FARS2: variants seen among roughly 807,000 people sequenced by gnomAD.
FARS2 encodes the protein phenylalanine--tRNA ligase, mitochondrial.
Under a neutral mutation model 46.4 loss-of-function variants are expected in FARS2, and 40 were observed. The ratio of observed to expected loss-of-function variants is 0.86; its 90% confidence interval spans 0.67 to 1.12. The LOEUF is 1.12. Among genes scored for constraint, FARS2 ranks in the 50% most tolerant of loss-of-function variants. The probability of loss-of-function intolerance (pLI) is 0.00; values close to 1 mark genes in which losing one functional copy is unlikely to be tolerated. For synonymous variants in FARS2, 234 were observed against 214.9 expected (o/e 1.09, Z -0.78); for missense variants, 513 against 567.9 (o/e 0.90, Z 0.98).
rs1769185773 is a variant in FARS2 at position 5,522,200 on chromosome 6, C to T, written c.905-22980C>T. Among the ~76,000 whole-genome samples the T allele has an allele frequency of 2.0e-5, 3 of 152,202 alleles. No homozygotes were observed. The South Asian group carries it at 6.2e-4, about 31-fold the overall frequency. On this transcript the variant is annotated intron_variant, in intron 4 of 6. Coordinates refer to ENST00000274680, the MANE Select transcript of FARS2 (RefSeq NM_006567.5). ...TCATAAGCTCTGGAGCATATGACCACCAAGGCCCTCACAGCAAGGGAAGGG... is the reference window on the plus strand; with the variant it reads ...TCATAAGCTCTGGAGCATATGACCATCAAGGCCCTCACAGCAAGGGAAGGG...
chr6:5,692,918 G>A (rs1219478376), intron 6 of FARS2, among the ~76,000 whole-genome samples: 8 of 152,146 alleles, frequency 5.3e-5, no homozygotes, highest in Non-Finnish European at 1.0e-4. Flanking sequence ...TAATACTCTG[G>A]CTCTTTATCC....
intron 1 of FARS2, among the ~76,000 whole-genome samples, chr6:5,309,901 T>C (rs1768971711): frequency 1.3e-5 from 2 of 152,274 alleles, no homozygotes; most frequent in South Asian, 4.1e-4. Context: ...TGGAAAATAC[T>C]CCAAAAGATA....
intron 5 of FARS2, among the ~76,000 whole-genome samples, chr6:5,549,474 T>C (rs1314732763): frequency 6.6e-6 from 1 of 152,166 alleles, no homozygotes; most frequent in Non-Finnish European, 1.5e-5. Flanking sequence ...TTCCGGCTTT[T>C]AAAGGCCATC....
At chr6:5,481,730 C>T (rs1766469133) in intron 4 of FARS2, among the ~76,000 whole-genome samples, 2 of 151,846 alleles carry the variant, frequency 1.3e-5, no homozygotes, top group Admixed American at 6.6e-5. Context: ...CTTATCCAGC[C>T]TTTCCCTGGG....
chr6:5,591,255 G>A (rs1004441586), intron 5 of FARS2, among the ~76,000 whole-genome samples: 1 of 152,192 alleles, frequency 6.6e-6, no homozygotes, highest in Non-Finnish European at 1.5e-5. Context: ...GTGTCTGAAA[G>A]TCACACTAAG....
chr6:5,586,835 C>G (rs1773637245), intron 5 of FARS2, among the ~76,000 whole-genome samples: 1 of 152,098 alleles, frequency 6.6e-6, no homozygotes, highest in Non-Finnish European at 1.5e-5. Flanking sequence ...ACTGTTGACA[C>G]TTAGGATTGG....
At chr6:5,703,506 A>G (rs1453354080) in intron 6 of FARS2, among the ~76,000 whole-genome samples, 1 of 152,226 alleles carries the variant, frequency 6.6e-6, no homozygotes, top group Admixed American at 6.5e-5. Context: ...GTAACACTTT[A>G]TAGCAGATAT....
chr6:5,755,924 A>G (rs150879365), intron 6 of FARS2, among the ~76,000 whole-genome samples: 2 of 152,322 alleles, frequency 1.3e-5, no homozygotes, highest in African/African-American at 4.8e-5. Context: ...TTTAATTTTC[A>G]GGGTAGGCTT....
chr6:5,767,880 C>T (rs771313897), intron 6 of FARS2, among the ~76,000 whole-genome samples: 25 of 152,186 alleles, frequency 1.6e-4, no homozygotes, highest in Non-Finnish European at 1.5e-4. Flanking sequence ...TATAAAAGAA[C>T]CAGCAGAACT....
chr6:5,686,344 C>A (rs1757211608), intron 6 of FARS2, among the ~76,000 whole-genome samples: 1 of 150,724 alleles, frequency 6.6e-6, no homozygotes, highest in Non-Finnish European at 1.5e-5. Flanking sequence ...TAATGCTCTC[C>A]CCCCCCGCTG....
intron 6 of FARS2, among the ~76,000 whole-genome samples, chr6:5,730,240 A>C (rs777538667): frequency 6.6e-6 from 1 of 152,212 alleles, no homozygotes; most frequent in Non-Finnish European, 1.5e-5. Context: ...AGCTAAACAT[A>C]CTCAAACTGT....
At chr6:5,688,391 T>C (rs1278925109) in intron 6 of FARS2, among the ~76,000 whole-genome samples, 1 of 152,200 alleles carries the variant, frequency 6.6e-6, no homozygotes, top group Admixed American at 6.5e-5. Context: ...ACCTAATTTA[T>C]TGAGAGTTTT....
Position 5,326,390 on chromosome 6 carries a change from T to C in FARS2, c.-21-42160T>C, listed in dbSNP as rs528872867. On this transcript the variant is annotated intron_variant, in intron 1 of 6. Transcript: ENST00000274680. ...TTGGTGAGGAACATCCACTTTGTCT[T>C]TCCCTGAAGCAAATCATTAACGTCC... Among the ~76,000 whole-genome samples the C allele has an allele frequency of 7.9e-5, 12 of 152,302 alleles. No individual in the cohort carries two copies. In the South Asian group the frequency reaches 2.5e-3, roughly 32 times the overall value.
chr6:5,623,654 G>C (rs1055975802), intron 6 of FARS2, among the ~76,000 whole-genome samples: 1 of 151,946 alleles, frequency 6.6e-6, no homozygotes, highest in African/African-American at 2.4e-5. Flanking sequence ...GGAGGTCGCA[G>C]TGAGCTTAGA....
At chr6:5,259,962 G>A (rs954287476), upstream of FARS2, among the ~76,000 whole-genome samples, 8 of 152,120 alleles carry the variant, frequency 5.3e-5, no homozygotes, top group Non-Finnish European at 1.2e-4. Context: ...AGGGGAGTGG[G>A]GAGGCGTGAG....
rs779511097 is a variant in FARS2, at chr6:5,727,520, G to T, written c.1218-43771G>T. On this transcript the variant is annotated intron_variant, in intron 6 of 6. Coordinates refer to ENST00000274680, the MANE Select transcript of FARS2 (RefSeq NM_006567.5). This position sits in a 1 kb window ranked among gnomAD's most constrained non-coding sequence, Gnocchi z 4.1. ...GGTAACTGAAGAAAGTGCATTCCGC[G>T]GTCTCCATGTGGTCAGGACTTGGCT... Among the ~76,000 whole-genome samples, 1 of 152,124 alleles carries T rather than the reference G, an allele frequency of 6.6e-6. No homozygotes were observed. Among genetic ancestry groups the T allele is most frequent in the Non-Finnish European group, 1.5e-5 (1 of 68,022 alleles).
chr6:5,599,390 T>C (rs1327194360), intron 5 of FARS2, among the ~76,000 whole-genome samples: 1 of 152,186 alleles, frequency 6.6e-6, no homozygotes, highest in Non-Finnish European at 1.5e-5. Context: ...CTCCTGCAAA[T>C]ATTTTACGTC....
intron 6 of FARS2, among the ~76,000 whole-genome samples, chr6:5,708,058 G>A (rs764264411): frequency 1.2e-4 from 18 of 152,148 alleles, no homozygotes; most frequent in Non-Finnish European, 2.1e-4. Flanking sequence ...GGTCAGAGGG[G>A]GCTACTGTGG....
intron 6 of FARS2, among the ~76,000 whole-genome samples, chr6:5,649,188 T>C (rs970072927): frequency 1.3e-5 from 2 of 152,228 alleles, no homozygotes; most frequent in African/African-American, 2.4e-5. Flanking sequence ...TGAAAAGGTA[T>C]ATAGTTAGCA....
Sources: allele counts gnomAD v4.1 joint callset (sites outside exome capture counted in the v4.1 genomes callset), GRCh38; gene constraint gnomAD v4.1.1; non-coding constraint Gnocchi (gnomAD v3.1); transcripts MANE v1.5; gene names NCBI Gene and HGNC (gene_info 2026-07-23, HGNC 2026-07-21).